RORA: variants seen among roughly 807,000 people sequenced by gnomAD.
RORA encodes the protein RAR related orphan receptor A, also known as nuclear receptor ROR-alpha.
Under a neutral mutation model 69.5 loss-of-function variants are expected in RORA, and 7 were observed. The observed-to-expected ratio is 0.10, with a 90% CI of 0.06 to 0.19. The LOEUF (loss-of-function observed/expected upper bound fraction) is 0.19, where lower values mean the gene tolerates loss of function less well. RORA is among the 10% of genes least tolerant of loss of function. The pLI is 1.00. For synonymous variants in RORA, 261 were observed against 240.8 expected (o/e 1.08, Z -0.78); for missense variants, 457 against 663.0 (o/e 0.69, Z 3.41).
chr15:60,559,162 TTA>T (rs1399963849), intron 2 of RORA, among the ~76,000 whole-genome samples: 2 of 152,102 alleles, frequency 1.3e-5, no homozygotes, highest in African/African-American at 4.8e-5. Context: ...TCGAAAAAAT[TTA>T]TTAGACACTT....
intron 1 of RORA, chr15:61,038,776 C>A (rs1463280086): frequency 6.6e-6 from 1 of 152,200 alleles, no homozygotes; most frequent in Non-Finnish European, 1.5e-5. Context: ...ACTTTCGACC[C>A]AAAAGTCATA....
intron 1 of RORA, among the ~76,000 whole-genome samples, chr15:60,964,222 C>A (rs1893488805): frequency 6.6e-6 from 1 of 152,218 alleles, no homozygotes; most frequent in Non-Finnish European, 1.5e-5. Flanking sequence ...TGTTGGGGCT[C>A]TATGGAATAT....
At chr15:60,884,847 G>A (rs1410593406) in intron 1 of RORA, among the ~76,000 whole-genome samples, 1 of 152,190 alleles carries the variant, frequency 6.6e-6, no homozygotes, top group Non-Finnish European at 1.5e-5. Flanking sequence ...GAGCACGGGA[G>A]TCATGAGTGT....
At chr15:60,702,940 T>G (rs2071005268) in intron 1 of RORA, among the ~76,000 whole-genome samples, 1 of 152,224 alleles carries the variant, frequency 6.6e-6, no homozygotes, top group Non-Finnish European at 1.5e-5. Flanking sequence ...TACGTCCCCT[T>G]GACCTCTATC....
intron 1 of RORA, among the ~76,000 whole-genome samples, chr15:60,911,069 A>ATTTTTTTTT (rs528370848): frequency 8.9e-5 from 8 of 89,700 alleles, no homozygotes; most frequent in African/African-American, 1.6e-4. Flanking sequence ...TGCCCAGCTA[A>ATTTTTTTTT]TTTTTTTTTT....
intron 1 of RORA, among the ~76,000 whole-genome samples, chr15:60,997,337 A>T (rs4278684): frequency 6.6e-6 from 1 of 151,708 alleles, no homozygotes; most frequent in Non-Finnish European, 1.5e-5. Flanking sequence ...GGCTCAGAGA[A>T]GGAAAACAAT....
chr15:61,224,187 A>G (rs564221392), intron 1 of RORA, among the ~76,000 whole-genome samples: 1 of 152,350 alleles, frequency 6.6e-6, no homozygotes, highest in East Asian at 1.9e-4. Context: ...TGCACACTTT[A>G]TCACTAATCT....
chr15:60,870,975 C>A (rs143268448), intron 1 of RORA, among the ~76,000 whole-genome samples: 6 of 152,192 alleles, frequency 3.9e-5, no homozygotes, highest in African/African-American at 9.7e-5. Context: ...GTTAGGAAGA[C>A]ACATCTGGTT....
At chr15:61,215,526 T>G (rs2080032967) in intron 1 of RORA, among the ~76,000 whole-genome samples, 1 of 152,218 alleles carries the variant, frequency 6.6e-6, no homozygotes, top group Non-Finnish European at 1.5e-5. Flanking sequence ...TGACTTGACT[T>G]GTCATAATTA....
intron 1 of RORA, among the ~76,000 whole-genome samples, chr15:61,075,244 A>G (rs2078432071): frequency 6.6e-6 from 1 of 152,154 alleles, no homozygotes; most frequent in Non-Finnish European, 1.5e-5. Context: ...AAGCACCATG[A>G]ATTGAGAAAG....
intron 1 of RORA, among the ~76,000 whole-genome samples, chr15:61,007,507 T>TA: frequency 6.6e-6 from 1 of 152,192 alleles, no homozygotes; most frequent in Admixed American, 6.5e-5. Context: ...AAATGTTCAA[T>TA]ACGTTTGTGT....
chr15:60,947,643 A>G (rs1417346228), intron 1 of RORA, among the ~76,000 whole-genome samples: 1 of 136,136 alleles, frequency 7.3e-6, no homozygotes, highest in African/African-American at 2.8e-5. Context: ...TTGTCCTATG[A>G]CCCTGCCAAA....
chr15:60,600,677 C>T (rs1158914231), intron 2 of RORA, among the ~76,000 whole-genome samples: 1 of 152,032 alleles, frequency 6.6e-6, no homozygotes, highest in African/African-American at 2.4e-5. Context: ...AAAATCTCTT[C>T]CTACATTTTG....
At chr15:60,999,292 T>G (rs1436037740) in intron 1 of RORA, among the ~76,000 whole-genome samples, 1 of 152,008 alleles carries the variant, frequency 6.6e-6, no homozygotes, top group Non-Finnish European at 1.5e-5. Context: ...GTGGGAAGTT[T>G]CCCAGGCTCC....
intron 1 of RORA, among the ~76,000 whole-genome samples, chr15:60,748,575 G>C (rs2071681120): frequency 6.6e-6 from 1 of 152,186 alleles, no homozygotes; most frequent in Non-Finnish European, 1.5e-5. Flanking sequence ...TCTTAACTAG[G>C]TTCCTGACCT....
chr15:60,627,684 G>C (rs1484497185), intron 2 of RORA, among the ~76,000 whole-genome samples: 3 of 152,030 alleles, frequency 2.0e-5, no homozygotes, highest in African/African-American at 4.8e-5. Flanking sequence ...TCCAGGCTTT[G>C]TCAAATGCCC....
rs372052527 is a variant in RORA, at chr15:61,087,857, T to C, written c.166+141196A>G. On this transcript the variant is annotated intron_variant, in intron 1 of 10. Transcript: ENST00000335670. ...TATGGCCAGGGAGCCATAAATGTTATAGTTCTTTAAACCTTTTGCTTTTGG... is the reference window on the plus strand; with the variant it reads ...TATGGCCAGGGAGCCATAAATGTTACAGTTCTTTAAACCTTTTGCTTTTGG... Among the ~76,000 whole-genome samples the C allele has an allele frequency of 6.6e-5, 10 of 152,380 alleles. No individual in the cohort carries two copies. The East Asian group carries it at 1.5e-3, about 23-fold the overall frequency.
chr15:60,497,550 C>T lies in RORA; in HGVS notation c.1477G>A (p.Ala493Thr). 6.2e-7 allele frequency: 1 copy of T among 1,613,018 alleles called. No homozygotes were observed. Among genetic ancestry groups the T allele is most frequent in the Non-Finnish European group, 8.5e-7 (1 of 1,179,030 alleles). The change falls in exon 11 of 11, where the codon GCA (alanine) becomes ACA (threonine). Residue 493 changes from alanine (A) to threonine (T), a missense_variant. Transcript: ENST00000335670. Reference sequence around the variant, plus strand: ...AGTCGCACAATGTCTGGGTATATTGCTTTAAATGCCATTAGCTTTTCTGTA... The same window carrying T: ...AGTCGCACAATGTCTGGGTATATTGTTTTAAATGCCATTAGCTTTTCTGTA... ...RHTEKLMAFK[A>T]IYPDIVRLHF...
chr15:61,213,257 G>A lies in RORA; in HGVS notation c.166+15796C>T, dbSNP rs534701144. 1.1e-4 allele frequency among the ~76,000 whole-genome samples: 16 copies of A among 151,948 alleles called. No homozygotes were observed. Among genetic ancestry groups the A allele is most frequent in the Admixed American group, 3.3e-4 (5 of 15,270 alleles). On this transcript the variant is annotated intron_variant, in intron 1 of 10. Coordinates refer to ENST00000335670, the MANE Select transcript of RORA (RefSeq NM_134261.3). The surrounding 1 kb of genome is among the most constrained non-coding windows in gnomAD (Gnocchi z 4.1). Reference sequence around the variant, plus strand: ...CCTACCGCAGAGTCAACTCTTCTTCGCCTTCCACTCCCAACCCTCACCCCA... The same window carrying A: ...CCTACCGCAGAGTCAACTCTTCTTCACCTTCCACTCCCAACCCTCACCCCA...
Sources: gnomAD v4.1 joint callset for allele counts (sites outside exome capture counted in the v4.1 genomes callset) on GRCh38, gnomAD v4.1.1 for gene constraint, Gnocchi (gnomAD v3.1) non-coding constraint, MANE v1.5 for transcripts, NCBI Gene and HGNC (gene_info 2026-07-23, HGNC 2026-07-21) for gene names.